USP15: variants seen among roughly 807,000 people sequenced by gnomAD.
USP15 encodes ubiquitin specific peptidase 15.
Under a neutral mutation model 127.1 loss-of-function variants are expected in USP15, and 18 were observed. The observed-to-expected ratio is 0.14, with a 90% CI of 0.10 to 0.21. The LOEUF (loss-of-function observed/expected upper bound fraction) is 0.21. USP15 is among the 10% of genes least tolerant of loss of function. The probability of loss-of-function intolerance (pLI) is 1.00; values close to 1 mark genes in which losing one functional copy is unlikely to be tolerated. For missense variants in USP15, 805 were observed against 1,159.9 expected (o/e 0.69, Z 4.44); for synonymous variants, 364 against 393.7 (o/e 0.92, Z 0.89).
At chr12:62,265,861 T>C (rs2063180284) in intron 1 of USP15, among the ~76,000 whole-genome samples, 1 of 152,208 alleles carries the variant, frequency 6.6e-6, no homozygotes, top group Admixed American at 6.5e-5. Flanking sequence ...CCTCTGTCTC[T>C]TATTTTAAAG....
chr12:62,381,518 A>T lies in USP15; in HGVS notation c.944A>T (p.Glu315Val). Residue 315 changes from glutamate to valine, a missense_variant, in exon 9 of 22, where the codon GAG becomes GTG. Glu to Val is a moderately radical substitution (Grantham distance 121, BLOSUM62 -2). This residue lies in a region of USP15 where 84 missense variants were observed against 210.3 expected (regional missense o/e 0.40). Coordinates refer to ENST00000280377, the MANE Select transcript of USP15 (RefSeq NM_001252078.2). ...QCLSNTPPLT[E>V]YFLNDKYQEE... is the part of the protein sequence containing the mutation. The stretch of plus-strand genomic sequence containing the variant: ...TTGAGCAACACACCTCCACTTACTG[A>T]GTATTTCCTCAATGATAAGTATCAA... 1 of 1,611,830 alleles carries T rather than the reference A, an allele frequency of 6.2e-7. No individual in the cohort carries two copies. Among genetic ancestry groups the T allele is most frequent in the Non-Finnish European group, 8.5e-7 (1 of 1,178,674 alleles).
chr12:62,380,403 A>G (rs2066956104), intron 8 of USP15, among the ~76,000 whole-genome samples: 1 of 152,054 alleles, frequency 6.6e-6, no homozygotes, highest in South Asian at 2.1e-4. Context: ...GTCGTAGTTT[A>G]TGGCATGTAA....
intron 18 of USP15, 67 bp downstream of exon 18, chr12:62,392,454 T>G: frequency 8.6e-7 from 1 of 1,165,424 alleles, no homozygotes. Context: ...ATGTGCCACA[T>G]CAAGTTGAAA....
chr12:62,413,477 A>G lies in USP15; in HGVS notation c.*9102A>G, dbSNP rs376297684. The G allele has an allele frequency of 2.6e-5, 4 of 152,182 alleles. No individual in the cohort carries two copies. In the East Asian group the frequency reaches 7.7e-4, roughly 29 times the overall value. The allele number at this position is 152,182 out of a possible 1,614,324, so 9.4% of individuals were successfully genotyped here. A position where few individuals can be genotyped will look rare whatever the true frequency, so the allele number is the denominator to read the frequency against. On this transcript the variant is annotated 3_prime_UTR_variant, in exon 22 of 22. Coordinates refer to ENST00000280377, the MANE Select transcript of USP15 (RefSeq NM_001252078.2). Reference sequence around the variant, plus strand: ...TTTAGTGTAACTACCTTCATCAATGATCTTAGCTAGATCTTCTGGATAACT... The same window carrying G: ...TTTAGTGTAACTACCTTCATCAATGGTCTTAGCTAGATCTTCTGGATAACT...
At chr12:62,401,597 A>G (rs148955228) in intron 21 of USP15, among the ~76,000 whole-genome samples, 105 of 152,118 alleles carry the variant, frequency 6.9e-4, no homozygotes, top group African/African-American at 2.5e-3. Context: ...TTGAGTACTT[A>G]AAGCCAGAAT....
chr12:62,343,430 C>T (rs1383240087), intron 6 of USP15, among the ~76,000 whole-genome samples: 2 of 152,184 alleles, frequency 1.3e-5, no homozygotes, highest in South Asian at 2.1e-4. Context: ...GGTTCTGTCT[C>T]GCTGGCATTC....
At chr12:62,357,494 G>A (rs999958305) in intron 8 of USP15, among the ~76,000 whole-genome samples, 14 of 151,836 alleles carry the variant, frequency 9.2e-5, no homozygotes, top group South Asian at 2.1e-4. Context: ...TTACCATCAC[G>A]TATTCCATTT....
intron 1 of USP15, among the ~76,000 whole-genome samples, chr12:62,284,865 A>G (rs1254757495): frequency 6.6e-6 from 1 of 151,920 alleles, no homozygotes; most frequent in Non-Finnish European, 1.5e-5. Context: ...CTCTTGTTTT[A>G]CTTTTTCTGT....
At chr12:62,305,451 C>T (rs1176319954) in intron 3 of USP15, 1 of 152,038 alleles carries the variant, frequency 6.6e-6, no homozygotes, top group Non-Finnish European at 1.5e-5. Flanking sequence ...AATAATCCTT[C>T]AGGGATGAAG....
chr12:62,383,386 A>G (rs929257045), intron 9 of USP15, among the ~76,000 whole-genome samples: 4 of 151,972 alleles, frequency 2.6e-5, no homozygotes, highest in Admixed American at 6.6e-5. Context: ...GCTATAACTC[A>G]TGTCTTAATG....
At chr12:62,382,862 A>G (rs2067032664) in intron 9 of USP15, among the ~76,000 whole-genome samples, 1 of 151,934 alleles carries the variant, frequency 6.6e-6, no homozygotes, top group Non-Finnish European at 1.5e-5. Context: ...TATAGCAAGG[A>G]TGAGAACCTG....
intron 8 of USP15, among the ~76,000 whole-genome samples, chr12:62,372,504 T>G (rs2137531644): frequency 6.6e-6 from 1 of 152,282 alleles, no homozygotes; most frequent in East Asian, 1.9e-4. Context: ...CAAAAATGGC[T>G]TGTTTCTCTT....
intron 20 of USP15, among the ~76,000 whole-genome samples, chr12:62,400,592 G>C (rs768631209): frequency 2.2e-5 from 3 of 136,586 alleles, no homozygotes; most frequent in Non-Finnish European, 4.7e-5. Flanking sequence ...TTTTGTTAAA[G>C]ACTAAAAGAG....
intron 8 of USP15, among the ~76,000 whole-genome samples, chr12:62,365,860 T>G (rs2066459897): frequency 6.6e-6 from 1 of 152,208 alleles, no homozygotes; most frequent in Admixed American, 6.5e-5. Flanking sequence ...ATCAGATTGA[T>G]GTAAATGTGT....
intron 1 of USP15, among the ~76,000 whole-genome samples, chr12:62,262,297 A>T (rs2063088604): frequency 6.6e-6 from 1 of 152,160 alleles, no homozygotes. Flanking sequence ...ACTGTGGGGA[A>T]ATTGGACATT....
At chr12:62,300,180 T>G (rs1300418960) in intron 2 of USP15, among the ~76,000 whole-genome samples, 3 of 152,154 alleles carry the variant, frequency 2.0e-5, no homozygotes, top group Admixed American at 6.5e-5. Context: ...TTTTCTTTGT[T>G]GCTTGTGCTT....
chr12:62,360,194 T>A (rs914165008), intron 8 of USP15, among the ~76,000 whole-genome samples: 16 of 152,092 alleles, frequency 1.1e-4, no homozygotes, highest in Non-Finnish European at 2.2e-4. Context: ...TTCAAAATAT[T>A]TACTTGGACA....
At chr12:62,378,325 T>C (rs1436668768) in intron 8 of USP15, among the ~76,000 whole-genome samples, 1 of 152,226 alleles carries the variant, frequency 6.6e-6, no homozygotes, top group Non-Finnish European at 1.5e-5. Flanking sequence ...TAAACTAATA[T>C]GATTTGTGTA....
At chr12:62,300,560 A>G (rs2064280165) in intron 2 of USP15, among the ~76,000 whole-genome samples, 1 of 152,162 alleles carries the variant, frequency 6.6e-6, no homozygotes, top group African/African-American at 2.4e-5. Flanking sequence ...ATATAAAGAC[A>G]AATACATCAG....
Sources: allele counts gnomAD v4.1 joint callset (sites outside exome capture counted in the v4.1 genomes callset), GRCh38; gene constraint gnomAD v4.1.1; regional missense constraint gnomAD v4.1.1; transcripts MANE v1.5; gene names NCBI Gene and HGNC (gene_info 2026-07-23, HGNC 2026-07-21).